HYCC1: variants seen among roughly 807,000 people sequenced by gnomAD.
The protein encoded by HYCC1 is hyccin PI4KA lipid kinase complex subunit 1.
the HYCC1 span, among the ~76,000 whole-genome samples, chr7:23,002,162 A>ATATATATATACAAT: frequency 5.1e-3 from 182 of 35,464 alleles, 3 homozygotes; most frequent in Non-Finnish European, 6.2e-3. Context: ...ATATATATAT[A>ATATATATATACAAT]TATATATATA....
the HYCC1 span, among the ~76,000 whole-genome samples, chr7:22,952,467 T>G: frequency 2.0e-5 from 3 of 151,880 alleles, no homozygotes; most frequent in Non-Finnish European, 2.9e-5. Context: ...GCTTAGTACG[T>G]TGAAGTGTTA....
At chr7:22,969,525 G>GA in the HYCC1 span, among the ~76,000 whole-genome samples, 1 of 134,232 alleles carries the variant, frequency 7.4e-6, no homozygotes, top group Admixed American at 7.4e-5. Context: ...TTTTTTTTTG[G>GA]TTTTTTTTTT....
chr7:22,984,765 G>C, the HYCC1 span, among the ~76,000 whole-genome samples: 2 of 152,156 alleles, frequency 1.3e-5, no homozygotes, highest in Non-Finnish European at 2.9e-5. Context: ...GCATGAGAAG[G>C]CTGTTCTACT....
chr7:22,959,332 T>C, the HYCC1 span, among the ~76,000 whole-genome samples: 1 of 152,174 alleles, frequency 6.6e-6, no homozygotes, highest in South Asian at 2.1e-4. Context: ...AATAGCTCCA[T>C]TCTTCTCCTT....
the HYCC1 span, chr7:22,938,267 A>C: frequency 4.6e-5 from 7 of 152,224 alleles, no homozygotes; most frequent in African/African-American, 1.4e-4. Flanking sequence ...TTGTTTCTCA[A>C]ACAACAGTTG....
At chr7:22,974,764 A>C in the HYCC1 span, among the ~76,000 whole-genome samples, 2 of 152,174 alleles carry the variant, frequency 1.3e-5, no homozygotes, top group African/African-American at 4.8e-5. Context: ...CTCATCTTCA[A>C]CTGTAGCTCC....
chr7:22,926,832 C>A, the HYCC1 span, among the ~76,000 whole-genome samples: 2 of 151,478 alleles, frequency 1.3e-5, no homozygotes, highest in Non-Finnish European at 2.9e-5. Context: ...ACCAAGCAGA[C>A]CTAATAGACA....
At chr7:22,933,555 G>C in the HYCC1 span, among the ~76,000 whole-genome samples, 1 of 151,734 alleles carries the variant, frequency 6.6e-6, no homozygotes, top group Non-Finnish European at 1.5e-5. Flanking sequence ...AAACCTATTT[G>C]TGTCTTGTGT....
chr7:22,984,812 T>C, the HYCC1 span, among the ~76,000 whole-genome samples: 1 of 152,116 alleles, frequency 6.6e-6, no homozygotes, highest in Non-Finnish European at 1.5e-5. Context: ...TTTTCAGAGC[T>C]AGAGAAAAAG....
chr7:22,954,623 TTCA>T, the HYCC1 span, among the ~76,000 whole-genome samples: 1 of 151,552 alleles, frequency 6.6e-6, no homozygotes, highest in Non-Finnish European at 1.5e-5. Flanking sequence ...TTCTTTTTAT[TTCA>T]ACTACATAAA....
chr7:22,977,211 C>T, the HYCC1 span: 5 of 692,432 alleles, frequency 7.2e-6, no homozygotes, highest in South Asian at 1.6e-5. Context: ...ATAGTAAATA[C>T]TTTGTGGGTG....
the HYCC1 span, among the ~76,000 whole-genome samples, chr7:23,013,539 G>A: frequency 6.6e-6 from 1 of 152,168 alleles, no homozygotes; most frequent in Admixed American, 6.5e-5. Flanking sequence ...AGGCCCACCC[G>A]GCAGAGGGGC....
At chr7:22,966,314 G>A in the HYCC1 span, among the ~76,000 whole-genome samples, 1 of 151,950 alleles carries the variant, frequency 6.6e-6, no homozygotes, top group African/African-American at 2.4e-5. Flanking sequence ...TTTTTGAGAT[G>A]GAGTTTCCCT....
chr7:22,952,174 A>C, the HYCC1 span, among the ~76,000 whole-genome samples: 2 of 152,016 alleles, frequency 1.3e-5, no homozygotes, highest in Non-Finnish European at 2.9e-5. Flanking sequence ...AACAGAGCTC[A>C]CACTGTAATA....
chr7:22,949,697 G>C, the HYCC1 span, among the ~76,000 whole-genome samples: 1 of 151,776 alleles, frequency 6.6e-6, no homozygotes, highest in Admixed American at 6.6e-5. Flanking sequence ...AAAATGACAG[G>C]GAGAATATTA....
the HYCC1 span, among the ~76,000 whole-genome samples, chr7:22,982,464 C>T: frequency 6.6e-6 from 1 of 152,076 alleles, no homozygotes; most frequent in African/African-American, 2.4e-5. Flanking sequence ...GAAGAGCCTC[C>T]CTCAATTTTG....
chr7:22,898,180 GCA>G, the HYCC1 span, among the ~76,000 whole-genome samples: 1 of 151,626 alleles, frequency 6.6e-6, no homozygotes, highest in Non-Finnish European at 1.5e-5. Flanking sequence ...CAAGTAGCTG[GCA>G]CACACCACCA....
chr7:22,941,060 G>C, the HYCC1 span: 1 of 152,088 alleles, frequency 6.6e-6, no homozygotes, highest in Non-Finnish European at 1.5e-5. Flanking sequence ...ATGAATACGA[G>C]TGGACCTGTC....
chr7:22,960,300 G>A, the HYCC1 span: 2 of 1,613,692 alleles, frequency 1.2e-6, no homozygotes, highest in South Asian at 2.2e-5. Context: ...GCTGGTTACT[G>A]CATTTCTTGA....
Sources: allele counts gnomAD v4.1 joint callset (sites outside exome capture counted in the v4.1 genomes callset), GRCh38; gene constraint gnomAD v4.1.1; transcripts MANE v1.5; gene names NCBI Gene and HGNC (gene_info 2026-07-23, HGNC 2026-07-21).